THSD7B: variants seen among roughly 807,000 people sequenced by gnomAD.
THSD7B encodes the protein thrombospondin type-1 domain-containing protein 7B.
THSD7B carries 138 observed loss-of-function variants against 213.6 expected under a neutral mutation model. That is an observed-to-expected ratio of 0.65 (90% CI 0.56 to 0.74). The LOEUF (loss-of-function observed/expected upper bound fraction) is 0.74. Ranked by LOEUF, THSD7B falls within the 30% of genes least tolerant of loss-of-function variation. The pLI is 0.00. For missense variants in THSD7B, 1,931 were observed against 1,991.5 expected (o/e 0.97, Z 0.58); for synonymous variants, 742 against 687.0 (o/e 1.08, Z -1.25).
At chr2:136,956,037 G>GAA (rs397985964) in intron 2 of THSD7B, among the ~76,000 whole-genome samples, 52 of 126,634 alleles carry the variant, frequency 4.1e-4, no homozygotes, top group Non-Finnish European at 5.3e-4. Context: ...AAAAAAAAAA[G>GAA]AAAAAAAAAA....
chr2:137,542,250 C>T (rs1467734612), intron 15 of THSD7B, among the ~76,000 whole-genome samples: 2 of 151,670 alleles, frequency 1.3e-5, no homozygotes, highest in East Asian at 1.9e-4. Context: ...TCAGGATTAA[C>T]ATCTGAGTTC....
chr2:137,310,891 T>G (rs1683886967), intron 12 of THSD7B, among the ~76,000 whole-genome samples: 1 of 152,150 alleles, frequency 6.6e-6, no homozygotes, highest in East Asian at 1.9e-4. Flanking sequence ...AGTACCATGC[T>G]GTTTTGGTTA....
intron 12 of THSD7B, among the ~76,000 whole-genome samples, chr2:137,400,275 G>A (rs961969621): frequency 2.0e-5 from 3 of 151,934 alleles, no homozygotes; most frequent in Non-Finnish European, 4.4e-5. Context: ...ATGTTTCTTT[G>A]AGGGTGTTGT....
At chr2:137,425,268 G>A (rs1687028749) in intron 14 of THSD7B, among the ~76,000 whole-genome samples, 1 of 151,706 alleles carries the variant, frequency 6.6e-6, no homozygotes, top group African/African-American at 2.4e-5. Flanking sequence ...TGGGCCTGGA[G>A]TGCAGTGGTG....
intron 2 of THSD7B, among the ~76,000 whole-genome samples, chr2:137,010,717 T>G (rs1320533229): frequency 6.6e-6 from 1 of 152,228 alleles, no homozygotes; most frequent in East Asian, 1.9e-4. Flanking sequence ...GAATGCCTAC[T>G]TTTCAAAGCC....
chr2:136,976,665 G>C (rs1421019469), intron 2 of THSD7B, among the ~76,000 whole-genome samples: 3 of 151,042 alleles, frequency 2.0e-5, no homozygotes, highest in Admixed American at 2.0e-4. Context: ...ATGGAGTCTC[G>C]CTCTGTCGCT....
intron 1 of THSD7B, among the ~76,000 whole-genome samples, chr2:136,842,046 A>G (rs577658302): frequency 6.6e-6 from 1 of 152,358 alleles, no homozygotes; most frequent in Non-Finnish European, 1.5e-5. Context: ...TCATGATAGC[A>G]AACTTTGTCT....
At chr2:137,369,533 A>G (rs1193971214) in intron 12 of THSD7B, among the ~76,000 whole-genome samples, 1 of 152,202 alleles carries the variant, frequency 6.6e-6, no homozygotes, top group Non-Finnish European at 1.5e-5. Flanking sequence ...ATCCAAGATT[A>G]TATTTGGGGG....
intron 1 of THSD7B, among the ~76,000 whole-genome samples, chr2:136,865,157 C>T (rs1683314327): frequency 6.6e-6 from 1 of 152,170 alleles, no homozygotes; most frequent in South Asian, 2.1e-4. Flanking sequence ...CCTCTCCTTC[C>T]TAGAGAACTG....
At chr2:136,893,278 A>G (rs564657546) in intron 2 of THSD7B, among the ~76,000 whole-genome samples, 2 of 152,318 alleles carry the variant, frequency 1.3e-5, no homozygotes, top group Admixed American at 6.5e-5. Context: ...TCAAATGTTC[A>G]TTGGCTTTAG....
chr2:137,470,615 C>A (rs1044264644), intron 15 of THSD7B, among the ~76,000 whole-genome samples: 1 of 152,180 alleles, frequency 6.6e-6, no homozygotes, highest in Non-Finnish European at 1.5e-5. Context: ...TTTCTTCAAG[C>A]CCAAACCGTT....
In THSD7B at chr2:137,616,178, T is replaced by C. The variant is rs577858568; in HGVS notation, c.3427T>C (p.Cys1143Arg). The change falls in exon 18 of 28, where the codon TGC (cysteine) becomes CGC (arginine). Residue 1143 changes from cysteine to arginine, a missense_variant. Physicochemically the swap from Cys to Arg is radical, Grantham distance 180 (BLOSUM62 -3). Transcript: ENST00000409968. ...WGLWSKCPQS[C>R]DPHTMQRRTR... ...TTTCCTACTCTGATTTTAATAGTCA[T>C]GCGATCCCCACACAATGCAGAGAAG... is the stretch of plus-strand genomic sequence containing the variant. The C allele has an allele frequency of 5.0e-6, 8 of 1,611,726 alleles. No homozygotes were observed. In the Admixed American group the frequency reaches 6.7e-5, roughly 14 times the overall value.
At chr2:136,889,194 A>T (rs1297061993) in intron 2 of THSD7B, among the ~76,000 whole-genome samples, 1 of 152,194 alleles carries the variant, frequency 6.6e-6, no homozygotes, top group Non-Finnish European at 1.5e-5. Flanking sequence ...TCAATCTTTA[A>T]AAAACAGGCT....
At chr2:136,896,404 C>A (rs1180446279) in intron 2 of THSD7B, among the ~76,000 whole-genome samples, 1 of 151,924 alleles carries the variant, frequency 6.6e-6, no homozygotes, top group East Asian at 1.9e-4. Context: ...AACTGTTTTC[C>A]TATTAGTGAG....
Position 137,616,169 on chromosome 2 carries a change from T to C in THSD7B, c.3424-6T>C. Reference sequence around the variant, plus strand: ...CAGTCAACTTTTCCTACTCTGATTTTAATAGTCATGCGATCCCCACACAAT... The same window carrying C: ...CAGTCAACTTTTCCTACTCTGATTTCAATAGTCATGCGATCCCCACACAAT... On this transcript the variant is annotated splice_region_variant and splice_polypyrimidine_tract_variant and intron_variant, in intron 17 of 27. Transcript: ENST00000409968. 1.2e-6 allele frequency: 2 copies of C among 1,610,342 alleles called. No homozygotes were observed. Among genetic ancestry groups the C allele is most frequent in the South Asian group, 2.2e-5 (2 of 90,070 alleles).
intron 2 of THSD7B, among the ~76,000 whole-genome samples, chr2:136,893,386 A>G (rs1288253785): frequency 2.0e-5 from 3 of 152,126 alleles, no homozygotes; most frequent in Admixed American, 6.5e-5. Context: ...TCTTTTTGGC[A>G]CCTGGAAATG....
intron 15 of THSD7B, among the ~76,000 whole-genome samples, chr2:137,543,437 A>G (rs1007296371): frequency 2.0e-5 from 3 of 151,828 alleles, no homozygotes; most frequent in Admixed American, 6.6e-5. Flanking sequence ...CATGCAAAGA[A>G]TGAATTTAGA....
intron 15 of THSD7B, among the ~76,000 whole-genome samples, chr2:137,513,794 G>A (rs1680015710): frequency 6.6e-6 from 1 of 152,220 alleles, no homozygotes; most frequent in Admixed American, 6.5e-5. Flanking sequence ...GTTTGTGGAT[G>A]AGGCAGCAGT....
chr2:137,440,461 C>CGT (rs1687384223), intron 14 of THSD7B, among the ~76,000 whole-genome samples: 2 of 142,048 alleles, frequency 1.4e-5, no homozygotes, highest in African/African-American at 5.7e-5. Flanking sequence ...CCTCACCTTA[C>CGT]CTTTTTTTTT....
Sources: allele counts gnomAD v4.1 joint callset (sites outside exome capture counted in the v4.1 genomes callset), GRCh38; gene constraint gnomAD v4.1.1; transcripts MANE v1.5; gene names NCBI Gene and HGNC (gene_info 2026-07-23, HGNC 2026-07-21).